The following DSCAM variants were observed in gnomAD, a reference collection of about 807,000 sequenced individuals.
DSCAM encodes the protein cell adhesion molecule DSCAM.
A neutral mutation model predicts 217.7 loss-of-function variants in DSCAM; 47 were observed. The ratio of observed to expected loss-of-function variants is 0.22; its 90% CI spans 0.17 to 0.28. The LOEUF (loss-of-function observed/expected upper bound fraction) is 0.28. Ranked by LOEUF, DSCAM falls within the 10% of genes least tolerant of loss-of-function variation. The probability of loss-of-function intolerance (pLI) is 1.00; values close to 1 mark genes in which losing one functional copy is unlikely to be tolerated. For synonymous variants in DSCAM, 1,056 were observed against 1,015.3 expected (o/e 1.04, Z -0.76); for missense variants, 2,080 against 2,618.3 (o/e 0.79, Z 4.49).
intron 3 of DSCAM, among the ~76,000 whole-genome samples, chr21:40,495,267 A>G (rs73362923): frequency 0.061 from 9,237 of 152,226 alleles, 396 homozygotes; most frequent in African/African-American, 0.12. Context: ...CCAGACAAGA[A>G]CACTCTAAGA....
chr21:40,620,314 GAA>G (rs2089486495), intron 3 of DSCAM, among the ~76,000 whole-genome samples: 1 of 124,326 alleles, frequency 8.0e-6, no homozygotes, highest in Non-Finnish European at 1.7e-5. Context: ...AAGAGAGAGA[GAA>G]AGAGAGAGAA....
At chr21:40,505,618 C>T (rs1410992623) in intron 3 of DSCAM, among the ~76,000 whole-genome samples, 4 of 152,164 alleles carry the variant, frequency 2.6e-5, no homozygotes, top group Non-Finnish European at 5.9e-5. Context: ...TTTGGAGTGC[C>T]TTAATTTTCC....
intron 1 of DSCAM, among the ~76,000 whole-genome samples, chr21:40,740,395 G>T (rs971511573): frequency 1.3e-5 from 2 of 152,172 alleles, no homozygotes; most frequent in East Asian, 3.8e-4. Flanking sequence ...AGAGGGCAGA[G>T]AATTGTCCAC....
chr21:40,721,411 T>C (rs2146507544), intron 1 of DSCAM, among the ~76,000 whole-genome samples: 1 of 152,258 alleles, frequency 6.6e-6, no homozygotes, highest in East Asian at 1.9e-4. Flanking sequence ...TGTCAATATG[T>C]ACAAGACAGT....
chr21:40,728,840 T>G (rs200124149), intron 1 of DSCAM, among the ~76,000 whole-genome samples: 1 of 152,304 alleles, frequency 6.6e-6, no homozygotes, highest in East Asian at 1.9e-4. Flanking sequence ...CAGACTGCAC[T>G]AGGTGAGAAG....
At chr21:40,727,673 C>G (rs1329169741) in intron 1 of DSCAM, among the ~76,000 whole-genome samples, 1 of 152,128 alleles carries the variant, frequency 6.6e-6, no homozygotes, top group African/African-American at 2.4e-5. Context: ...ATGGGTCTCT[C>G]TGCTTCTACC....
In DSCAM at chr21:40,016,908, G is replaced by A. The variant is rs568423750; in HGVS notation, c.5687-3522C>T. Among the ~76,000 whole-genome samples, 227 of 152,258 alleles carry A rather than the reference G, an allele frequency of 1.5e-3. 1 individual carries two copies. The highest frequency in any genetic ancestry group is 5.1e-3 in the African/African-American group (214 of 41,564). On this transcript the variant is annotated intron_variant, in intron 32 of 32. Coordinates refer to ENST00000400454, the MANE Select transcript of DSCAM (RefSeq NM_001389.5). This position sits in a 1 kb window ranked among gnomAD's most constrained non-coding sequence, Gnocchi z 4.3. ...TAGGCAATGGATCACCTGAGGTCAG[G>A]TGTTCGAGACCAGCCAGGCCAAAAT...
At chr21:40,527,140 G>A (rs1156235116) in intron 3 of DSCAM, among the ~76,000 whole-genome samples, 5 of 152,028 alleles carry the variant, frequency 3.3e-5, no homozygotes, top group Admixed American at 3.3e-4. Flanking sequence ...GTCCCTATAT[G>A]GACATACAGG....
chr21:40,113,304 A>G (rs1214495179), intron 20 of DSCAM, among the ~76,000 whole-genome samples: 1 of 152,166 alleles, frequency 6.6e-6, no homozygotes. Flanking sequence ...AGAACCAAAG[A>G]CAAAAACCAC....
At chr21:40,381,581 C>T (rs1036458799) in intron 3 of DSCAM, among the ~76,000 whole-genome samples, 3 of 152,092 alleles carry the variant, frequency 2.0e-5, no homozygotes, top group African/African-American at 7.2e-5. Flanking sequence ...TGTTAGCAAC[C>T]CAAAAGGAAT....
At chr21:40,684,501 T>C (rs2090452980) in intron 3 of DSCAM, among the ~76,000 whole-genome samples, 1 of 132,352 alleles carries the variant, frequency 7.6e-6, no homozygotes, top group Admixed American at 8.6e-5. Flanking sequence ...ACCCATCTGC[T>C]TAAGGAGACC....
intron 8 of DSCAM, among the ~76,000 whole-genome samples, chr21:40,318,391 C>G (rs2074223933): frequency 1.3e-5 from 2 of 151,526 alleles, no homozygotes; most frequent in Non-Finnish European, 2.9e-5. Flanking sequence ...ACTTCCAGGA[C>G]TTAATAATGA....
At chr21:40,101,227 G>A (rs1207583505) in intron 20 of DSCAM, among the ~76,000 whole-genome samples, 2 of 152,212 alleles carry the variant, frequency 1.3e-5, no homozygotes, top group Non-Finnish European at 2.9e-5. Context: ...GAAAAAGCCT[G>A]TTATTTCTCA....
At chr21:40,681,893 G>A (rs1168167860) in intron 3 of DSCAM, among the ~76,000 whole-genome samples, 2 of 152,144 alleles carry the variant, frequency 1.3e-5, no homozygotes, top group African/African-American at 4.8e-5. Flanking sequence ...GCCAAGGACC[G>A]CAGGCAACAC....
At chr21:40,240,705 T>G (rs1179996904) in intron 11 of DSCAM, among the ~76,000 whole-genome samples, 3 of 152,204 alleles carry the variant, frequency 2.0e-5, no homozygotes, top group Non-Finnish European at 4.4e-5. Context: ...TTGATTGCCC[T>G]GTGTGAAAAT....
chr21:40,497,139 G>A (rs930866372), intron 3 of DSCAM, among the ~76,000 whole-genome samples: 1 of 152,134 alleles, frequency 6.6e-6, no homozygotes, highest in African/African-American at 2.4e-5. Context: ...TCCACTGTTG[G>A]ATCTATATCC....
chr21:40,113,777 C>G (rs1328916295), intron 20 of DSCAM, among the ~76,000 whole-genome samples: 1 of 152,154 alleles, frequency 6.6e-6, no homozygotes, highest in African/African-American at 2.4e-5. Flanking sequence ...AACAGACAAA[C>G]AGAGAGCCAA....
rs556398907 is a variant in DSCAM, at chr21:40,273,000, A to G, written c.2356+3097T>C. Among the ~76,000 whole-genome samples, 15 of 152,296 alleles carry G rather than the reference A, an allele frequency of 9.8e-5. No homozygotes were observed. In the South Asian group the frequency reaches 3.1e-3, roughly 32 times the overall value. On this transcript the variant is annotated intron_variant, in intron 11 of 32. Transcript: ENST00000400454. Reference sequence around the variant, plus strand: ...GCTGAGCTTTGGACGAGTATTAGACAAGGATGAAAATACCTCCCCATGGGC... The same window carrying G: ...GCTGAGCTTTGGACGAGTATTAGACGAGGATGAAAATACCTCCCCATGGGC...
At chr21:40,419,228 G>A (rs1175273972) in intron 3 of DSCAM, among the ~76,000 whole-genome samples, 1 of 150,732 alleles carries the variant, frequency 6.6e-6, no homozygotes, top group African/African-American at 2.4e-5. Flanking sequence ...TAATCCGCCT[G>A]CCTCAGCCTC....
Sources: allele counts gnomAD v4.1 joint callset (sites outside exome capture counted in the v4.1 genomes callset), GRCh38; gene constraint gnomAD v4.1.1; non-coding constraint Gnocchi (gnomAD v3.1); transcripts MANE v1.5; gene names NCBI Gene and HGNC (gene_info 2026-07-23, HGNC 2026-07-21).